GATAD2A: variants seen among roughly 807,000 people sequenced by gnomAD.
GATAD2A encodes GATA zinc finger domain containing 2A, also known as transcriptional repressor p66-alpha.
Under a neutral mutation model 68.5 loss-of-function variants are expected in GATAD2A, and 12 were observed. That is an observed-to-expected ratio of 0.18 (90% CI 0.11 to 0.28). The LOEUF (loss-of-function observed/expected upper bound fraction) is 0.28, where lower values mean the gene tolerates loss of function less well. Ranked by LOEUF, GATAD2A falls within the 10% of genes least tolerant of loss-of-function variation. The pLI is 1.00. For missense variants in GATAD2A, 755 were observed against 868.5 expected, an observed-to-expected ratio of 0.87 and a Z score of 1.64; for synonymous variants, 410 against 375.3, an observed-to-expected ratio of 1.09 and a Z score of -1.07.
intron 1 of GATAD2A, among the ~76,000 whole-genome samples, chr19:19,408,760 G>A (rs1373954321): frequency 6.6e-6 from 1 of 152,138 alleles, no homozygotes. Context: ...GCCAGGAGTC[G>A]TAATTAATCT....
At position 19,498,578 on chromosome 19, in the gene GATAD2A, A is replaced by G; in HGVS notation, c.1060A>G (p.Lys354Glu). ...GGCGGCCGCCAAGCTGGCGCTGCGC[A>G]AACAGCTGGAGAAGACGCTACTCGA... ...RQAAAKLALR[K>E]QLEKTLLEIP... Residue 354 changes from lysine to glutamate, a missense_variant, in exon 8 of 12, where the codon AAA becomes GAA. Lys to Glu is a moderately conservative substitution (Grantham distance 56, BLOSUM62 1). Transcript: ENST00000683918. The G allele has an allele frequency of 6.2e-7, 1 of 1,613,904 alleles. No individual in the cohort carries two copies. The highest frequency in any genetic ancestry group is 1.1e-5 in the South Asian group (1 of 91,086).
chr19:19,471,063 C>T (rs2058269275), intron 2 of GATAD2A, among the ~76,000 whole-genome samples: 1 of 152,104 alleles, frequency 6.6e-6, no homozygotes, highest in South Asian at 2.1e-4. Context: ...TGAGACCAGC[C>T]TGGCCAACAT....
At chr19:19,439,825 G>T (rs1326325189) in intron 1 of GATAD2A, among the ~76,000 whole-genome samples, 1 of 152,102 alleles carries the variant, frequency 6.6e-6, no homozygotes, top group East Asian at 1.9e-4. Flanking sequence ...TCCAGCATGG[G>T]TGACAAAGTG....
intron 1 of GATAD2A, among the ~76,000 whole-genome samples, chr19:19,459,482 C>T (rs1446070171): frequency 6.6e-6 from 1 of 151,720 alleles, no homozygotes; most frequent in African/African-American, 2.4e-5. Flanking sequence ...GATGGGAAAA[C>T]TGAGGCTCAG....
intron 1 of GATAD2A, among the ~76,000 whole-genome samples, chr19:19,444,794 C>T (rs2055511994): frequency 6.6e-6 from 1 of 150,518 alleles, no homozygotes; most frequent in Admixed American, 6.6e-5. Flanking sequence ...TTGCTTGAGC[C>T]CTGGAGGTTG....
chr19:19,499,257 T>A (rs987091816), intron 8 of GATAD2A, among the ~76,000 whole-genome samples: 1 of 152,200 alleles, frequency 6.6e-6, no homozygotes, highest in Admixed American at 6.5e-5. Flanking sequence ...TGGAGACGGC[T>A]GGGCGGGTGG....
chr19:19,503,644 C>CT (rs368727163), intron 11 of GATAD2A, among the ~76,000 whole-genome samples: 6 of 148,604 alleles, frequency 4.0e-5, no homozygotes, highest in African/African-American at 1.5e-4. Context: ...CATCTGGAAG[C>CT]TGTGTGTGTG....
upstream of GATAD2A, among the ~76,000 whole-genome samples, chr19:19,405,296 G>A (rs1041129663): frequency 6.6e-6 from 1 of 152,206 alleles, no homozygotes; most frequent in African/African-American, 2.4e-5. Flanking sequence ...ACGACCCCGC[G>A]GGGGTGACAT....
chr19:19,473,058 G>A (rs1453769202), intron 2 of GATAD2A, among the ~76,000 whole-genome samples: 1 of 152,238 alleles, frequency 6.6e-6, no homozygotes, highest in African/African-American at 2.4e-5. Flanking sequence ...AGACTGGGCT[G>A]TGGCTTCCGT....
intron 1 of GATAD2A, among the ~76,000 whole-genome samples, chr19:19,462,166 A>G (rs2057489395): frequency 6.6e-6 from 1 of 152,078 alleles, no homozygotes; most frequent in Non-Finnish European, 1.5e-5. Context: ...CTTCCTGACA[A>G]CTTTGCTCCT....
chr19:19,426,364 G>C (rs1043360975), intron 1 of GATAD2A, among the ~76,000 whole-genome samples: 2 of 152,168 alleles, frequency 1.3e-5, no homozygotes, highest in African/African-American at 4.8e-5. Flanking sequence ...CTTGGCTTAT[G>C]GCTGTGAGAC....
chr19:19,453,501 G>A (rs1368530869), intron 1 of GATAD2A, among the ~76,000 whole-genome samples: 2 of 151,886 alleles, frequency 1.3e-5, no homozygotes, highest in East Asian at 1.9e-4. Flanking sequence ...GAGTCTGTCC[G>A]CTGTGCCCCC....
At chr19:19,396,247 G>T (rs934841847) in intron 1 of GATAD2A, among the ~76,000 whole-genome samples, 1 of 152,142 alleles carries the variant, frequency 6.6e-6, no homozygotes, top group Non-Finnish European at 1.5e-5. Context: ...CTGGAAGGCG[G>T]AGGTTGCAGT....
intron 1 of GATAD2A, chr19:19,436,185 ACT>A: frequency 1.5e-6 from 2 of 1,366,318 alleles, no homozygotes; most frequent in Middle Eastern, 2.1e-4. Context: ...GCCATGGCCA[ACT>A]GGTAGGACCA....
intron 1 of GATAD2A, among the ~76,000 whole-genome samples, chr19:19,389,541 T>G (rs903274140): frequency 1.3e-5 from 2 of 152,170 alleles, no homozygotes; most frequent in Admixed American, 6.5e-5. Flanking sequence ...TATTTTCTTC[T>G]GGGGAGAAGT....
At chr19:19,439,607 G>A (rs553918289) in intron 1 of GATAD2A, among the ~76,000 whole-genome samples, 12 of 152,290 alleles carry the variant, frequency 7.9e-5, no homozygotes, top group African/African-American at 2.9e-4. Flanking sequence ...CAGCACTTTG[G>A]GAGGCTGAAG....
intron 1 of GATAD2A, chr19:19,436,241 T>G (rs1422205407): frequency 7.8e-7 from 1 of 1,289,116 alleles, no homozygotes; most frequent in East Asian, 4.6e-5. Context: ...GGGTGTAGTG[T>G]CTGTGGAAGG....
intron 1 of GATAD2A, among the ~76,000 whole-genome samples, chr19:19,455,734 C>T (rs1477594884): frequency 6.6e-6 from 1 of 152,104 alleles, no homozygotes; most frequent in Non-Finnish European, 1.5e-5. Context: ...CCGGGAGTTC[C>T]TGGAAATAAT....
intron 1 of GATAD2A, 42 bp downstream of exon 1, chr19:19,406,061 A>G (rs1409064215): frequency 1.3e-5 from 2 of 148,466 alleles, no homozygotes; most frequent in East Asian, 2.0e-4. Flanking sequence ...GGGGCTGGGG[A>G]CGCACGGCTG....
Sources: allele counts gnomAD v4.1 joint callset (sites outside exome capture counted in the v4.1 genomes callset), GRCh38; gene constraint gnomAD v4.1.1; transcripts MANE v1.5; gene names NCBI Gene and HGNC (gene_info 2026-07-23, HGNC 2026-07-21).